The following DIAPH3 variants were observed in gnomAD, a reference collection of about 807,000 sequenced individuals.
The protein encoded by DIAPH3 is protein diaphanous homolog 3.
Under a neutral mutation model 144.3 loss-of-function variants are expected in DIAPH3, and 117 were observed. That is an observed-to-expected ratio of 0.81 (90% CI 0.70 to 0.95). DIAPH3 has a LOEUF of 0.95. DIAPH3 is among the 40% of genes least tolerant of loss of function. The pLI, the probability that DIAPH3 is intolerant of heterozygous loss-of-function variation, is 0.00. For synonymous variants in DIAPH3, 519 were observed against 488.9 expected (o/e 1.06, Z -0.81); for missense variants, 1,421 against 1,412.7 (o/e 1.01, Z -0.09).
At chr13:59,716,703 A>G (rs1165451429) in intron 27 of DIAPH3, among the ~76,000 whole-genome samples, 1 of 152,184 alleles carries the variant, frequency 6.6e-6, no homozygotes, top group African/African-American at 2.4e-5. Flanking sequence ...AAAAGATCAC[A>G]TTATAAGCAG....
At chr13:59,682,632 TATATA>T (rs1187475056) in intron 27 of DIAPH3, among the ~76,000 whole-genome samples, 1 of 152,220 alleles carries the variant, frequency 6.6e-6, no homozygotes, top group Non-Finnish European at 1.5e-5. Context: ...CAGAAAACTC[TATATA>T]AAATACTGCA....
chr13:59,752,104 T>C (rs572212437), intron 27 of DIAPH3, among the ~76,000 whole-genome samples: 8 of 152,208 alleles, frequency 5.3e-5, no homozygotes, highest in Non-Finnish European at 1.2e-4. Flanking sequence ...CTTGTTAGTA[T>C]AGAACTAAAT....
chr13:60,131,231 C>G (rs1162433466), intron 2 of DIAPH3, among the ~76,000 whole-genome samples: 1 of 151,596 alleles, frequency 6.6e-6, no homozygotes, highest in Non-Finnish European at 1.5e-5. Flanking sequence ...GAGTTTAAAC[C>G]CAGCCTGGGC....
At chr13:60,146,255 G>A (rs1211909967) in intron 1 of DIAPH3, among the ~76,000 whole-genome samples, 1 of 152,100 alleles carries the variant, frequency 6.6e-6, no homozygotes, top group Non-Finnish European at 1.5e-5. Flanking sequence ...TAAGTTACCA[G>A]GCCACCAGGT....
chr13:59,880,428 G>GTT (rs2044937981), intron 20 of DIAPH3, among the ~76,000 whole-genome samples: 1 of 152,092 alleles, frequency 6.6e-6, no homozygotes, highest in African/African-American at 2.4e-5. Flanking sequence ...AAAAAAAGCA[G>GTT]TGACAGATTA....
In DIAPH3 at chr13:59,754,991, C is replaced by G. The variant is rs138143372; in HGVS notation, c.3319+19198G>C. On this transcript the variant is annotated intron_variant, in intron 27 of 27. Transcript: ENST00000400324. ...CAGCTAGTAAAGTGGCAACCTACAT[C>G]ATTAACTTCTTTTCTATACAGGTAT... Among the ~76,000 whole-genome samples the G allele has an allele frequency of 1.9e-3, 283 of 152,282 alleles. 2 individuals are homozygous for G. The highest frequency in any genetic ancestry group is 2.1e-3 in the East Asian group (11 of 5,182).
At position 60,152,089 on chromosome 13, in the gene DIAPH3, G is replaced by A. The variant is rs565830837; in HGVS notation, c.180+11498C>T. Among the ~76,000 whole-genome samples, 25 of 152,118 alleles carry A rather than the reference G, an allele frequency of 1.6e-4. No homozygotes were observed. In the South Asian group the frequency reaches 3.5e-3, roughly 21 times the overall value. On this transcript the variant is annotated intron_variant, in intron 1 of 27. Coordinates refer to ENST00000400324, the MANE Select transcript of DIAPH3 (RefSeq NM_001042517.2). ...GACACCCAAATAAACAGCCAACCTC[G>A]GAAAAAAATGCAGCAATTACGGGAT...
intron 22 of DIAPH3, among the ~76,000 whole-genome samples, chr13:59,860,271 A>G (rs1593716373): frequency 6.6e-6 from 1 of 152,196 alleles, no homozygotes; most frequent in Non-Finnish European, 1.5e-5. Context: ...ATGAATTCCA[A>G]TATTAAAAAG....
At chr13:59,990,528 T>C (rs1335708035) in intron 12 of DIAPH3, among the ~76,000 whole-genome samples, 1 of 151,928 alleles carries the variant, frequency 6.6e-6, no homozygotes, top group Non-Finnish European at 1.5e-5. Context: ...TTACTAAGCA[T>C]ACACCATATG....
At chr13:59,862,710 C>T (rs1351672156) in intron 21 of DIAPH3, among the ~76,000 whole-genome samples, 2 of 152,040 alleles carry the variant, frequency 1.3e-5, no homozygotes, top group Non-Finnish European at 2.9e-5. Flanking sequence ...TAGAACAGTG[C>T]TTTCATTATT....
At chr13:59,772,428 T>C (rs563189956) in intron 27 of DIAPH3, among the ~76,000 whole-genome samples, 1 of 152,234 alleles carries the variant, frequency 6.6e-6, no homozygotes, top group South Asian at 2.1e-4. Flanking sequence ...AATTTGAACT[T>C]TGTGATATAT....
intron 22 of DIAPH3, among the ~76,000 whole-genome samples, chr13:59,859,174 T>C (rs1008773334): frequency 2.0e-5 from 3 of 152,264 alleles, no homozygotes; most frequent in African/African-American, 7.2e-5. Context: ...CAATCACCTA[T>C]ACTATAAAAA....
chr13:60,119,375 G>A (rs1036953711), intron 2 of DIAPH3, among the ~76,000 whole-genome samples: 3 of 152,074 alleles, frequency 2.0e-5, no homozygotes, highest in Admixed American at 6.6e-5. Context: ...CATTTTTACC[G>A]CAAACTCAAG....
intron 25 of DIAPH3, among the ~76,000 whole-genome samples, chr13:59,781,479 C>T (rs1246580993): frequency 6.6e-6 from 1 of 152,068 alleles, no homozygotes; most frequent in Non-Finnish European, 1.5e-5. Flanking sequence ...GGAGAAGGGA[C>T]AAGAGAGCAA....
At chr13:59,718,028 C>T (rs1163850064) in intron 27 of DIAPH3, among the ~76,000 whole-genome samples, 1 of 152,110 alleles carries the variant, frequency 6.6e-6, no homozygotes, top group Non-Finnish European at 1.5e-5. Flanking sequence ...TGAGCTGCTA[C>T]TGTATATATT....
intron 27 of DIAPH3, among the ~76,000 whole-genome samples, chr13:59,704,457 C>T (rs1397904477): frequency 2.6e-5 from 4 of 152,296 alleles, no homozygotes; most frequent in Non-Finnish European, 5.9e-5. Context: ...GATCTGCCAC[C>T]CTCATACAGA....
chr13:59,972,580 C>A (rs2050449039), intron 15 of DIAPH3, among the ~76,000 whole-genome samples: 1 of 152,088 alleles, frequency 6.6e-6, no homozygotes, highest in Non-Finnish European at 1.5e-5. Flanking sequence ...GTTGAGGCCA[C>A]AAATCAAAAG....
At chr13:59,832,981 T>C in intron 24 of DIAPH3, 126 bp downstream of exon 24, 1 of 803,386 alleles carries the variant, frequency 1.2e-6, no homozygotes, top group Non-Finnish European at 2.0e-6. Context: ...AATCTGAAAT[T>C]TTATAGCTTT....
At chr13:60,036,063 G>C (rs932259949) in intron 5 of DIAPH3, among the ~76,000 whole-genome samples, 1 of 151,982 alleles carries the variant, frequency 6.6e-6, no homozygotes, top group African/African-American at 2.4e-5. Context: ...CCCTCCCTTA[G>C]CCTCATCCTG....
Sources: allele counts gnomAD v4.1 joint callset (sites outside exome capture counted in the v4.1 genomes callset), GRCh38; gene constraint gnomAD v4.1.1; transcripts MANE v1.5; gene names NCBI Gene and HGNC (gene_info 2026-07-23, HGNC 2026-07-21).